JPH3: variants seen among roughly 807,000 people sequenced by gnomAD.
The protein encoded by JPH3 is junctophilin 3.
In JPH3, 11 loss-of-function variants were observed where a neutral mutation model predicts 59.6. That is an observed-to-expected ratio of 0.18 (90% CI 0.12 to 0.31). The LOEUF is 0.31. Among genes scored for constraint, JPH3 ranks in the 10% least tolerant of loss-of-function variants. The pLI is 1.00. For synonymous variants in JPH3, 673 were observed against 483.6 expected, an observed-to-expected ratio of 1.39 and a Z score of -5.14; for missense variants, 1,202 against 1,105.7, an observed-to-expected ratio of 1.09 and a Z score of -1.24.
At chr16:87,630,214 C>G (rs544479075) in intron 1 of JPH3, among the ~76,000 whole-genome samples, 5 of 152,310 alleles carry the variant, frequency 3.3e-5, no homozygotes, top group African/African-American at 1.2e-4. Flanking sequence ...TCAAGACGCA[C>G]CTGGGTCCTA....
chr16:87,668,621 C>T (rs187170015), intron 2 of JPH3, among the ~76,000 whole-genome samples: 80 of 152,298 alleles, frequency 5.3e-4, no homozygotes, highest in African/African-American at 1.8e-3. Context: ...AGCCAGGGCA[C>T]GGGTGGAGCT....
At chr16:87,663,260 C>T (rs1300335698) in intron 2 of JPH3, among the ~76,000 whole-genome samples, 8 of 152,100 alleles carry the variant, frequency 5.3e-5, no homozygotes, top group Admixed American at 4.6e-4. Context: ...AGGCCTGTGC[C>T]ACGTGTCCAG....
At chr16:87,630,911 G>A (rs922092413) in intron 1 of JPH3, among the ~76,000 whole-genome samples, 19 of 152,132 alleles carry the variant, frequency 1.2e-4, no homozygotes, top group African/African-American at 4.3e-4. Context: ...TCCATACTCA[G>A]TGTTTTTCAT....
chr16:87,653,211 G>A (rs912254564), intron 2 of JPH3, among the ~76,000 whole-genome samples: 12 of 152,216 alleles, frequency 7.9e-5, no homozygotes, highest in Non-Finnish European at 1.6e-4. Flanking sequence ...CTGGGGGTGT[G>A]TAAAACCCAG....
chr16:87,614,625 C>CGT (rs2030876228), intron 1 of JPH3, among the ~76,000 whole-genome samples: 1 of 150,014 alleles, frequency 6.7e-6, no homozygotes. Flanking sequence ...TCCCTGCACA[C>CGT]AAGGGGGTCT....
chr16:87,628,045 A>G (rs1162416626), intron 1 of JPH3, among the ~76,000 whole-genome samples: 1 of 152,188 alleles, frequency 6.6e-6, no homozygotes, highest in Non-Finnish European at 1.5e-5. Context: ...GGACACCCTT[A>G]TGTGCTGTGT....
intron 2 of JPH3, among the ~76,000 whole-genome samples, chr16:87,650,002 A>C (rs1292817500): frequency 6.6e-6 from 1 of 152,332 alleles, no homozygotes; most frequent in East Asian, 1.9e-4. Flanking sequence ...GCAGAAACCC[A>C]AGCTGAGAGG....
intron 2 of JPH3, among the ~76,000 whole-genome samples, chr16:87,658,650 G>T (rs879331846): frequency 1.1e-4 from 17 of 152,226 alleles, no homozygotes; most frequent in Non-Finnish European, 2.1e-4. Context: ...GCGTCCAGGT[G>T]ACACCGTGTG....
At chr16:87,687,961 T>C (rs1011917847) in intron 3 of JPH3, among the ~76,000 whole-genome samples, 1 of 152,122 alleles carries the variant, frequency 6.6e-6, no homozygotes, top group Non-Finnish European at 1.5e-5. Context: ...ATGTGGGTGA[T>C]CCGTGGGCAT....
chr16:87,676,190 T>C (rs1034415629), intron 2 of JPH3, among the ~76,000 whole-genome samples: 2 of 152,240 alleles, frequency 1.3e-5, no homozygotes, highest in Non-Finnish European at 2.9e-5. Flanking sequence ...TTTATGTGTT[T>C]ACCTTTGTAT....
intron 4 of JPH3, chr16:87,695,235 A>G (rs1285069324): frequency 2.2e-6 from 1 of 444,894 alleles, no homozygotes; most frequent in Non-Finnish European, 4.5e-6. Flanking sequence ...GTGCCACATG[A>G]GCTACTCAGT....
intron 2 of JPH3, among the ~76,000 whole-genome samples, chr16:87,651,475 G>T (rs1000445922): frequency 1.3e-5 from 2 of 152,214 alleles, no homozygotes; most frequent in African/African-American, 4.8e-5. Context: ...CACCATTCTA[G>T]ATCCCATTAA....
chr16:87,652,650 C>T (rs927929979), intron 2 of JPH3, among the ~76,000 whole-genome samples: 3 of 152,202 alleles, frequency 2.0e-5, no homozygotes, highest in Admixed American at 1.3e-4. Flanking sequence ...GGTCAGCCCC[C>T]GTCTGTCCTG....
chr16:87,641,794 G>C (rs2031962108), intron 1 of JPH3, among the ~76,000 whole-genome samples: 1 of 152,282 alleles, frequency 6.6e-6, no homozygotes, highest in African/African-American at 2.4e-5. Flanking sequence ...TGCCCTGGCT[G>C]GGCCATATGC....
chr16:87,657,728 A>G (rs1466692588), intron 2 of JPH3, among the ~76,000 whole-genome samples: 1 of 152,200 alleles, frequency 6.6e-6, no homozygotes, highest in African/African-American at 2.4e-5. Flanking sequence ...CCATGACCAC[A>G]GGAAGACCAT....
rs191557856 is a variant in JPH3 at position 87,690,538 on chromosome 16, G to C, written c.2166+12G>C. The C allele has an allele frequency of 3.8e-5, 56 of 1,458,224 alleles. No homozygotes were observed. In the African/African-American group the frequency reaches 6.8e-4, roughly 18 times the overall value. 90.3% of individuals were successfully genotyped at this position (1,458,224 alleles called of 1,614,324 possible). ...TCAAGTCCAGTACGGTGAGTGGGCGGCCACCAGGCTGGTCCCAGTGGAGGC... is the reference window on the plus strand; with the variant it reads ...TCAAGTCCAGTACGGTGAGTGGGCGCCCACCAGGCTGGTCCCAGTGGAGGC... On this transcript the variant is annotated intron_variant, in intron 4 of 4. Coordinates refer to ENST00000284262, the MANE Select transcript of JPH3 (RefSeq NM_020655.4).
intron 1 of JPH3, among the ~76,000 whole-genome samples, chr16:87,605,448 G>A (rs531571278): frequency 6.6e-6 from 1 of 152,340 alleles, no homozygotes; most frequent in African/African-American, 2.4e-5. Flanking sequence ...ACCACACTGA[G>A]CAAAGCAGAC....
intron 2 of JPH3, among the ~76,000 whole-genome samples, chr16:87,681,679 G>T (rs535980069): frequency 9.9e-5 from 15 of 151,946 alleles, no homozygotes; most frequent in Admixed American, 9.2e-4. Flanking sequence ...TGACAGTTCC[G>T]GGAGGTCAGG....
At chr16:87,647,607 TC>T (rs2032194878) in intron 2 of JPH3, among the ~76,000 whole-genome samples, 1 of 152,156 alleles carries the variant, frequency 6.6e-6, no homozygotes, top group African/African-American at 2.4e-5. Context: ...GGTTCCTGCT[TC>T]CGCATGCGCA....
Sources: allele counts gnomAD v4.1 joint callset (sites outside exome capture counted in the v4.1 genomes callset), GRCh38; gene constraint gnomAD v4.1.1; transcripts MANE v1.5; gene names NCBI Gene and HGNC (gene_info 2026-07-23, HGNC 2026-07-21).